SCAPER: variants seen among roughly 807,000 people sequenced by gnomAD.
SCAPER encodes S-phase cyclin A associated protein in the ER.
In SCAPER, 98 loss-of-function variants were observed where a neutral mutation model predicts 182.2. That is an observed-to-expected ratio of 0.54 (90% CI 0.46 to 0.64). SCAPER has a LOEUF of 0.64. Among genes scored for constraint, SCAPER ranks in the 30% least tolerant of loss-of-function variants. The pLI, the probability that SCAPER is intolerant of heterozygous loss-of-function variation, is 0.00. For missense variants in SCAPER, 1,432 were observed against 1,690.0 expected (o/e 0.85, Z 2.68); for synonymous variants, 605 against 564.6 (o/e 1.07, Z -1.01).
intron 15 of SCAPER, among the ~76,000 whole-genome samples, chr15:76,749,998 A>T (rs2062000872): frequency 6.6e-6 from 1 of 152,004 alleles, no homozygotes; most frequent in Non-Finnish European, 1.5e-5. Context: ...AAGGTACAAC[A>T]ATCAAGATAG....
intron 5 of SCAPER, among the ~76,000 whole-genome samples, chr15:76,841,120 G>C (rs2069436061): frequency 6.6e-6 from 1 of 152,166 alleles, no homozygotes; most frequent in Non-Finnish European, 1.5e-5. Flanking sequence ...TGTTGTGTGT[G>C]TATCCAACCC....
intron 5 of SCAPER, among the ~76,000 whole-genome samples, chr15:76,834,602 A>G (rs1205976739): frequency 6.6e-6 from 1 of 152,224 alleles, no homozygotes; most frequent in Non-Finnish European, 1.5e-5. Context: ...TCCATTCAAA[A>G]TATCAATGAA....
At chr15:76,903,487 A>G (rs2074911395) in intron 1 of SCAPER, among the ~76,000 whole-genome samples, 2 of 152,224 alleles carry the variant, frequency 1.3e-5, no homozygotes. Context: ...AAATTCCCTT[A>G]TAAGAGGCCA....
At chr15:76,361,598 C>G (rs947162303) in intron 29 of SCAPER, among the ~76,000 whole-genome samples, 1 of 152,124 alleles carries the variant, frequency 6.6e-6, no homozygotes, top group African/African-American at 2.4e-5. Flanking sequence ...AATAAATTGA[C>G]AAGAGGAAGA....
intron 22 of SCAPER, among the ~76,000 whole-genome samples, chr15:76,613,494 A>G (rs2051182533): frequency 6.6e-6 from 1 of 152,218 alleles, no homozygotes; most frequent in Non-Finnish European, 1.5e-5. Flanking sequence ...CAAACTACAG[A>G]ATGGGAGAAA....
chr15:76,768,180 C>T (rs554660324), intron 10 of SCAPER, among the ~76,000 whole-genome samples: 2 of 152,072 alleles, frequency 1.3e-5, no homozygotes, highest in South Asian at 2.1e-4. Context: ...TTCATATAAC[C>T]CAACAATTCC....
intron 30 of SCAPER, among the ~76,000 whole-genome samples, chr15:76,352,281 T>TG (rs2040610467): frequency 1.5e-5 from 1 of 66,992 alleles, no homozygotes; most frequent in Non-Finnish European, 3.3e-5. Flanking sequence ...GTTTTACTAA[T>TG]TTTTTTTTTG....
intron 4 of SCAPER, among the ~76,000 whole-genome samples, chr15:76,852,247 G>T (rs1005238866): frequency 6.6e-6 from 1 of 152,164 alleles, no homozygotes; most frequent in Non-Finnish European, 1.5e-5. Context: ...AAGAGTGGAA[G>T]ACCTCAGTAC....
chr15:76,779,017 T>C (rs1208184704), intron 8 of SCAPER, among the ~76,000 whole-genome samples: 1 of 151,954 alleles, frequency 6.6e-6, no homozygotes, highest in Admixed American at 6.6e-5. Context: ...ATAAAAAGTA[T>C]CATTCCATAA....
At chr15:76,482,913 T>C (rs1288808378) in intron 24 of SCAPER, among the ~76,000 whole-genome samples, 1 of 152,150 alleles carries the variant, frequency 6.6e-6, no homozygotes, top group Non-Finnish European at 1.5e-5. Flanking sequence ...TCAATAATGT[T>C]AAGATGTCAG....
intron 22 of SCAPER, among the ~76,000 whole-genome samples, chr15:76,583,071 G>C (rs1433082078): frequency 6.6e-6 from 1 of 152,122 alleles, no homozygotes; most frequent in Non-Finnish European, 1.5e-5. Flanking sequence ...CCTGAGTGTA[G>C]GCCAGGTGCA....
intron 21 of SCAPER, among the ~76,000 whole-genome samples, chr15:76,624,374 C>A (rs998018920): frequency 6.6e-6 from 1 of 152,046 alleles, no homozygotes; most frequent in Non-Finnish European, 1.5e-5. Context: ...AGGAGGACTA[C>A]AAAACATTAC....
intron 23 of SCAPER, 72 bp from the exon 24 acceptor site, chr15:76,505,046 T>C: frequency 9.9e-7 from 1 of 1,013,894 alleles, no homozygotes; most frequent in South Asian, 1.5e-5. Flanking sequence ...ATATCTGTAG[T>C]CTGAAACATA....
intron 1 of SCAPER, among the ~76,000 whole-genome samples, chr15:76,884,560 A>G (rs1456474884): frequency 2.0e-5 from 3 of 152,232 alleles, no homozygotes; most frequent in Non-Finnish European, 4.4e-5. Context: ...CTAACTCTGT[A>G]TGAAGAGTCA....
intron 26 of SCAPER, among the ~76,000 whole-genome samples, chr15:76,425,564 T>G (rs1448838655): frequency 6.6e-6 from 1 of 152,182 alleles, no homozygotes; most frequent in Non-Finnish European, 1.5e-5. Context: ...GGTTCGAACT[T>G]CCTCCTTTAG....
chr15:76,658,027 C>T (rs917024516), intron 21 of SCAPER, among the ~76,000 whole-genome samples: 1 of 152,112 alleles, frequency 6.6e-6, no homozygotes, highest in African/African-American at 2.4e-5. Flanking sequence ...CCCACTATCA[C>T]CACTCCTATT....
chr15:76,732,213 G>A (rs959186380), intron 16 of SCAPER, among the ~76,000 whole-genome samples: 2 of 151,984 alleles, frequency 1.3e-5, no homozygotes, highest in African/African-American at 4.8e-5. Context: ...ATGTGTGGGC[G>A]GCAAGCCACC....
At chr15:76,654,173 C>T (rs142716023) in intron 21 of SCAPER, among the ~76,000 whole-genome samples, 23 of 152,126 alleles carry the variant, frequency 1.5e-4, no homozygotes, top group East Asian at 1.2e-3. Flanking sequence ...GAGGCCAAGG[C>T]GGGCTGATCA....
chr15:76,796,967 G>C (rs2065372027), intron 7 of SCAPER, among the ~76,000 whole-genome samples: 1 of 152,122 alleles, frequency 6.6e-6, no homozygotes. Context: ...ATGCCATACA[G>C]TGCCAGGCAC....
Sources: gnomAD v4.1 joint callset for allele counts (sites outside exome capture counted in the v4.1 genomes callset) on GRCh38, gnomAD v4.1.1 for gene constraint, MANE v1.5 for transcripts, NCBI Gene and HGNC (gene_info 2026-07-23, HGNC 2026-07-21) for gene names.